DIAPH3: variants seen among roughly 807,000 people sequenced by gnomAD.
The protein encoded by DIAPH3 is protein diaphanous homolog 3.
DIAPH3 carries 117 observed loss-of-function variants against 144.3 expected under a neutral mutation model. The ratio of observed to expected loss-of-function variants is 0.81; its 90% CI spans 0.70 to 0.95. The LOEUF is 0.95. DIAPH3 is among the 40% of genes least tolerant of loss of function. The pLI is 0.00. For synonymous variants in DIAPH3, 519 were observed against 488.9 expected, an observed-to-expected ratio of 1.06 and a Z score of -0.81; for missense variants, 1,421 against 1,412.7, an observed-to-expected ratio of 1.01 and a Z score of -0.09.
chr13:60,129,458 G>GA (rs2059080996), intron 2 of DIAPH3, among the ~76,000 whole-genome samples: 3 of 152,242 alleles, frequency 2.0e-5, no homozygotes, highest in African/African-American at 7.2e-5. Flanking sequence ...CCTTTAACAA[G>GA]ACAGTGAAAT....
rs376399039 is a variant in DIAPH3 at position 60,163,726 on chromosome 13, C to A, written c.41G>T (p.Gly14Val). 1.4e-5 allele frequency: 23 copies of A among 1,607,310 alleles called. No individual in the cohort carries two copies. Among genetic ancestry groups the A allele is most frequent in the African/African-American group, 2.7e-5 (2 of 74,816 alleles). ...HQPRLHHPAQGSAAGTPYPSS... is the reference protein window; with the variant it reads ...HQPRLHHPAQVSAAGTPYPSS... The stretch of plus-strand genomic sequence containing the variant: ...AGGGTAGGGAGTCCCAGCGGCTGAG[C>A]CTTGGGCCGGGTGGTGCAGCCGCGG... The change falls in exon 1 of 28, where the codon GGC (glycine) becomes GTC (valine). Residue 14 changes from glycine to valine, a missense_variant. Transcript: ENST00000400324.
chr13:59,830,336 A>T (rs532346355), intron 24 of DIAPH3, among the ~76,000 whole-genome samples: 1 of 152,042 alleles, frequency 6.6e-6, no homozygotes, highest in African/African-American at 2.4e-5. Context: ...AAGTACCTGT[A>T]TAAAATCTCA....
rs1262450867 is a variant in DIAPH3, at chr13:59,969,501, G to A, written c.2074+443C>T. Among the ~76,000 whole-genome samples the A allele has an allele frequency of 3.9e-5, 6 of 152,092 alleles. No homozygotes were observed. The South Asian group carries it at 8.3e-4, about 21-fold the overall frequency. ...CTGCACCCATCAACCCGTCATCTAC[G>A]TTGGGTATTTCTCCTAATGCTATAT... On this transcript the variant is annotated intron_variant, in intron 17 of 27. Transcript: ENST00000400324.
intron 5 of DIAPH3, among the ~76,000 whole-genome samples, chr13:60,038,385 T>C (rs2055383642): frequency 6.6e-6 from 1 of 152,178 alleles, no homozygotes. Flanking sequence ...ATCTCACTGC[T>C]TGTCACAAGT....
At chr13:60,083,736 C>CA (rs976046791) in intron 4 of DIAPH3, among the ~76,000 whole-genome samples, 13 of 151,596 alleles carry the variant, frequency 8.6e-5, no homozygotes, top group Admixed American at 5.9e-4. Context: ...GACTCCCTCT[C>CA]AAAAAAAAAT....
At chr13:60,080,128 C>T (rs2057504374) in intron 4 of DIAPH3, among the ~76,000 whole-genome samples, 1 of 151,864 alleles carries the variant, frequency 6.6e-6, no homozygotes, top group South Asian at 2.1e-4. Context: ...TATTGAAGAA[C>T]ACAGCTTTAA....
Position 59,983,871 on chromosome 13 carries a change from A to C in DIAPH3, c.1378T>G (p.Leu460Val). 6.2e-7 allele frequency: 1 copy of C among 1,605,178 alleles called. No individual in the cohort carries two copies. Among genetic ancestry groups the C allele is most frequent in the Non-Finnish European group, 8.5e-7 (1 of 1,173,142 alleles). Residue 460 changes from leucine (L) to valine (V), a missense_variant, in exon 13 of 28, where the codon TTA (leucine) becomes GTA (valine). Physicochemically the swap from Leu to Val is conservative, Grantham distance 32. Coordinates refer to ENST00000400324, the MANE Select transcript of DIAPH3 (RefSeq NM_001042517.2). ...DYFIRQQYFK[L>V]IDECVSQIVL... ...ATCTGGGATACACACTCATCAATTA[A>C]TTTGAAGTATTGTTGCCTAAAACCA...
intron 2 of DIAPH3, among the ~76,000 whole-genome samples, chr13:60,126,101 G>A (rs904448307): frequency 6.6e-6 from 1 of 152,148 alleles, no homozygotes; most frequent in African/African-American, 2.4e-5. Flanking sequence ...TACATGGTTA[G>A]TTGAAAACTT....
intron 4 of DIAPH3, chr13:60,044,402 T>C (rs1236646953): frequency 2.0e-5 from 3 of 152,188 alleles, no homozygotes. Context: ...AGTAATTTAA[T>C]AAAGAAGAAT....
At chr13:60,051,209 T>C (rs1454998799) in intron 4 of DIAPH3, among the ~76,000 whole-genome samples, 1 of 151,874 alleles carries the variant, frequency 6.6e-6, no homozygotes, top group African/African-American at 2.4e-5. Context: ...TCCTGGGGTA[T>C]AATTTGGGGG....
chr13:59,673,916 C>T (rs1018768716), intron 27 of DIAPH3, among the ~76,000 whole-genome samples: 1 of 152,268 alleles, frequency 6.6e-6, no homozygotes, highest in South Asian at 2.1e-4. Flanking sequence ...TATTCTTTTG[C>T]TATAATAAAG....
chr13:60,022,211 T>G (rs1483247624), intron 5 of DIAPH3, among the ~76,000 whole-genome samples: 1 of 152,210 alleles, frequency 6.6e-6, no homozygotes, highest in Non-Finnish European at 1.5e-5. Context: ...CAGTTTTATT[T>G]CTACCTTTCT....
At chr13:59,833,802 AT>A (rs2041906390) in intron 23 of DIAPH3, among the ~76,000 whole-genome samples, 1 of 151,752 alleles carries the variant, frequency 6.6e-6, no homozygotes, top group African/African-American at 2.4e-5. Context: ...TCACAGGGCT[AT>A]TGAGAGGACT....
intron 27 of DIAPH3, among the ~76,000 whole-genome samples, chr13:59,740,765 A>G (rs1275840357): frequency 6.6e-6 from 1 of 152,186 alleles, no homozygotes. Flanking sequence ...GATCTATATT[A>G]GAGAAAAAAT....
At chr13:59,730,053 T>A (rs1593692003) in intron 27 of DIAPH3, among the ~76,000 whole-genome samples, 1 of 152,078 alleles carries the variant, frequency 6.6e-6, no homozygotes, top group African/African-American at 2.4e-5. Flanking sequence ...TTGAAAGCTA[T>A]TACAGTATTT....
intron 3 of DIAPH3, among the ~76,000 whole-genome samples, chr13:60,096,423 G>C (rs1020379578): frequency 6.6e-6 from 1 of 152,148 alleles, no homozygotes; most frequent in Non-Finnish European, 1.5e-5. Context: ...GATAACACCA[G>C]TTCATACAAA....
intron 27 of DIAPH3, among the ~76,000 whole-genome samples, chr13:59,701,838 C>T (rs2034127501): frequency 6.6e-6 from 1 of 152,200 alleles, no homozygotes; most frequent in Non-Finnish European, 1.5e-5. Context: ...CCCACCTGCA[C>T]AGATCTGCAA....
At chr13:59,884,050 G>A (rs1296607033) in intron 20 of DIAPH3, among the ~76,000 whole-genome samples, 1 of 152,158 alleles carries the variant, frequency 6.6e-6, no homozygotes, top group African/African-American at 2.4e-5. Context: ...GAGCGAGCAG[G>A]TGAAGCTTCA....
intron 2 of DIAPH3, among the ~76,000 whole-genome samples, chr13:60,114,788 A>G (rs141924023): frequency 6.6e-6 from 1 of 152,182 alleles, no homozygotes; most frequent in Non-Finnish European, 1.5e-5. Flanking sequence ...CATTATATAC[A>G]CGAGAAAAAA....
Sources: gnomAD v4.1 joint callset for allele counts (sites outside exome capture counted in the v4.1 genomes callset) on GRCh38, gnomAD v4.1.1 for gene constraint, MANE v1.5 for transcripts, NCBI Gene and HGNC (gene_info 2026-07-23, HGNC 2026-07-21) for gene names.